ZNRF1: variants seen among roughly 807,000 people sequenced by gnomAD.
The protein encoded by ZNRF1 is E3 ubiquitin-protein ligase ZNRF1.
Under a neutral mutation model 18.4 loss-of-function variants are expected in ZNRF1, and 3 were observed. That is an observed-to-expected ratio of 0.16 (90% CI 0.07 to 0.42). ZNRF1 has a LOEUF of 0.42. ZNRF1 is among the 10% of genes least tolerant of loss of function. The probability of loss-of-function intolerance (pLI) is 0.99; values close to 1 mark genes in which losing one functional copy is unlikely to be tolerated. For synonymous variants in ZNRF1, 157 were observed against 144.2 expected (o/e 1.09, Z -0.64); for missense variants, 310 against 329.8 (o/e 0.94, Z 0.47).
chr16:75,101,424 T>C (rs1390872767), intron 2 of ZNRF1, among the ~76,000 whole-genome samples: 1 of 152,058 alleles, frequency 6.6e-6, no homozygotes, highest in Non-Finnish European at 1.5e-5. Context: ...TGTGGTGGCA[T>C]GCACCTGTAG....
chr16:75,021,545 T>C (rs2035148100), intron 1 of ZNRF1, among the ~76,000 whole-genome samples: 1 of 152,220 alleles, frequency 6.6e-6, no homozygotes, highest in Non-Finnish European at 1.5e-5. Context: ...CTAAACTCTT[T>C]TTGCTTACCT....
intron 1 of ZNRF1, among the ~76,000 whole-genome samples, chr16:75,028,278 A>T (rs1381910677): frequency 6.6e-6 from 1 of 152,156 alleles, no homozygotes; most frequent in African/African-American, 2.4e-5. Flanking sequence ...ATACTAGTCC[A>T]TTCTGGTACT....
intron 1 of ZNRF1, among the ~76,000 whole-genome samples, chr16:75,042,443 C>CTTTTTTTTTTTTTTTTTTTTTTTT (rs56212046): frequency 8.5e-6 from 1 of 116,964 alleles, no homozygotes; most frequent in Admixed American, 9.0e-5. Flanking sequence ...CTGTTTCTTT[C>CTTTTTTTTTTTTTTTTTTTTTTTT]TTTTTTTTTT....
At chr16:75,010,784 C>T (rs902562937) in intron 1 of ZNRF1, among the ~76,000 whole-genome samples, 2 of 144,998 alleles carry the variant, frequency 1.4e-5, no homozygotes, top group African/African-American at 2.6e-5. Context: ...GATCTCCACT[C>T]ACTGCAACCT....
At chr16:75,095,351 G>A (rs1221049342) in intron 2 of ZNRF1, among the ~76,000 whole-genome samples, 1 of 152,056 alleles carries the variant, frequency 6.6e-6, no homozygotes, top group African/African-American at 2.4e-5. Context: ...CACATGTGCT[G>A]CAGGCTTCGC....
chr16:75,095,926 A>C (rs891453250), intron 2 of ZNRF1, among the ~76,000 whole-genome samples: 2 of 152,008 alleles, frequency 1.3e-5, no homozygotes, highest in Admixed American at 6.5e-5. Context: ...GGCCCCCCTT[A>C]GAGGAAGGGG....
chr16:75,024,966 C>T (rs1240603044), intron 1 of ZNRF1, among the ~76,000 whole-genome samples: 6 of 152,330 alleles, frequency 3.9e-5, no homozygotes, highest in Admixed American at 1.3e-4. Context: ...GTAGAAAGCA[C>T]ATTATGCTTG....
chr16:75,008,450 G>T (rs1392723018), intron 1 of ZNRF1, among the ~76,000 whole-genome samples: 4 of 152,080 alleles, frequency 2.6e-5, no homozygotes, highest in African/African-American at 9.7e-5. Flanking sequence ...CTACAGAAGG[G>T]CTTCCTGAGT....
chr16:75,076,237 A>G (rs867444667), intron 1 of ZNRF1, among the ~76,000 whole-genome samples: 6 of 152,152 alleles, frequency 3.9e-5, no homozygotes, highest in Middle Eastern at 3.2e-3. Context: ...TGTTATATAA[A>G]TGGTTCTGAA....
intron 4 of ZNRF1, 38 bp downstream of exon 4, chr16:75,106,609 TG>T: frequency 6.3e-7 from 1 of 1,587,880 alleles, no homozygotes. Context: ...GCTCAAGGCT[TG>T]GGGTCAGGTC....
chr16:75,006,460 G>T (rs1194651648), intron 1 of ZNRF1, among the ~76,000 whole-genome samples: 1 of 152,146 alleles, frequency 6.6e-6, no homozygotes, highest in Non-Finnish European at 1.5e-5. Flanking sequence ...TATTGAGACA[G>T]AGTCTCACTC....
chr16:75,029,899 GA>G (rs1488783879), intron 1 of ZNRF1, among the ~76,000 whole-genome samples: 3 of 150,724 alleles, frequency 2.0e-5, no homozygotes, highest in Non-Finnish European at 4.4e-5. Flanking sequence ...GCCAGGTGAA[GA>G]AAAAAAAATT....
chr16:75,102,486 C>T (rs539446895), intron 2 of ZNRF1, among the ~76,000 whole-genome samples: 2 of 152,220 alleles, frequency 1.3e-5, no homozygotes, highest in Non-Finnish European at 2.9e-5. Context: ...GGGATCCTGC[C>T]ACAAGCTCTG....
At chr16:75,103,171 A>C (rs889989051) in intron 2 of ZNRF1, among the ~76,000 whole-genome samples, 8 of 152,096 alleles carry the variant, frequency 5.3e-5, no homozygotes, top group Non-Finnish European at 1.2e-4. Context: ...ATGGCTATTC[A>C]CTGTCGCCGG....
At chr16:75,101,822 A>G (rs955466277) in intron 2 of ZNRF1, among the ~76,000 whole-genome samples, 6 of 152,208 alleles carry the variant, frequency 3.9e-5, no homozygotes, top group African/African-American at 1.4e-4. Flanking sequence ...ATCTGTGCCT[A>G]CACATGCATT....
chr16:75,023,672 A>C (rs1206619266), intron 1 of ZNRF1, among the ~76,000 whole-genome samples: 1 of 149,736 alleles, frequency 6.7e-6, no homozygotes, highest in East Asian at 2.0e-4. Flanking sequence ...TGAAAGAGCG[A>C]AACTCCATCA....
chr16:75,105,234 A>G (rs892332591), intron 3 of ZNRF1: 2 of 267,854 alleles, frequency 7.5e-6, no homozygotes. Context: ...TTCTTCCTCT[A>G]CGGGTCCCTC....
At chr16:75,012,230 G>A (rs568649065) in intron 1 of ZNRF1, among the ~76,000 whole-genome samples, 57 of 152,360 alleles carry the variant, frequency 3.7e-4, no homozygotes, top group African/African-American at 1.3e-3. Flanking sequence ...TCAGTGAATT[G>A]CTGCAGTAGC....
At chr16:75,104,985 C>T (rs915621110) in intron 3 of ZNRF1, 96 bp downstream of exon 3, 5 of 1,024,268 alleles carry the variant, frequency 4.9e-6, no homozygotes, top group African/African-American at 1.6e-5. Context: ...TATGGGATGA[C>T]CTCTCCCCCG....
Sources: gnomAD v4.1 joint callset for allele counts (sites outside exome capture counted in the v4.1 genomes callset) on GRCh38, gnomAD v4.1.1 for gene constraint, MANE v1.5 for transcripts, NCBI Gene and HGNC (gene_info 2026-07-23, HGNC 2026-07-21) for gene names.